Variants in POLN observed in about 807,000 individuals in gnomAD.
POLN encodes DNA polymerase N.
A neutral mutation model predicts 113.5 loss-of-function variants in POLN; 108 were observed. That is an observed-to-expected ratio of 0.95 (90% CI 0.81 to 1.12). POLN has a LOEUF of 1.12. Ranked by LOEUF, POLN falls within the 50% of genes most tolerant of loss-of-function variation. The pLI, the probability that POLN is intolerant of heterozygous loss-of-function variation, is 0.00. For missense variants in POLN, 1,097 were observed against 1,077.1 expected (o/e 1.02, Z -0.26); for synonymous variants, 386 against 391.5 (o/e 0.99, Z 0.17).
In POLN at chr4:2,080,843, G is replaced by C. The variant is rs371505867; in HGVS notation, c.2387+115C>G. On this transcript the variant is annotated intron_variant, in intron 23 of 25. Coordinates refer to ENST00000511885, the MANE Select transcript of POLN (RefSeq NM_181808.4). ...TCCATGGGCTGAGAGCCTCAGGAGG[G>C]GACGGGGGCCCGATAAGCAGAGATG... 1.0e-4 allele frequency: 158 copies of C among 1,581,144 alleles called. 1 individual carries two copies. The African/African-American group carries it at 1.9e-3, about 19-fold the overall frequency.
intron 8 of POLN, among the ~76,000 whole-genome samples, 166 bp from the exon 9 acceptor site, chr4:2,176,500 C>T (rs755873058): frequency 2.6e-5 from 4 of 152,200 alleles, no homozygotes; most frequent in Non-Finnish European, 4.4e-5. Context: ...CTCGACTAGA[C>T]AAGTTCGCAT....
intron 5 of POLN, among the ~76,000 whole-genome samples, chr4:2,201,290 A>AC (rs1733706180): frequency 6.7e-6 from 1 of 148,484 alleles, no homozygotes; most frequent in Non-Finnish European, 1.5e-5. Context: ...AAAAAAAAAA[A>AC]AAAAAAAAAA....
At chr4:2,110,997 T>C (rs1731179160) in intron 19 of POLN, among the ~76,000 whole-genome samples, 1 of 152,150 alleles carries the variant, frequency 6.6e-6, no homozygotes, top group South Asian at 2.1e-4. Flanking sequence ...CTCAATAAAA[T>C]ACTGGCAAAC....
chr4:2,156,466 T>A (rs536638298), intron 16 of POLN: 2 of 508,308 alleles, frequency 3.9e-6, no homozygotes, highest in South Asian at 1.5e-5. Flanking sequence ...TTCAACACAT[T>A]TCTGGAAATC....
intron 9 of POLN, 27 bp from the exon 10 acceptor site, chr4:2,174,778 A>T: frequency 1.3e-6 from 2 of 1,500,472 alleles, no homozygotes; most frequent in Admixed American, 3.6e-5. Flanking sequence ...AATAACATCA[A>T]CGTCAATTTA....
intron 19 of POLN, among the ~76,000 whole-genome samples, chr4:2,108,196 G>A (rs1428755255): frequency 1.3e-5 from 2 of 152,150 alleles, no homozygotes; most frequent in Non-Finnish European, 2.9e-5. Context: ...GAGAAGGTGC[G>A]AGGCATTGAC....
chr4:2,147,600 G>A (rs1344076608), intron 16 of POLN, among the ~76,000 whole-genome samples: 1 of 145,684 alleles, frequency 6.9e-6, no homozygotes, highest in African/African-American at 2.5e-5. Context: ...TTGAGACACT[G>A]AAAGACAATT....
intron 16 of POLN, among the ~76,000 whole-genome samples, chr4:2,145,613 C>CA (rs1416679512): frequency 4.6e-5 from 7 of 152,162 alleles, no homozygotes; most frequent in African/African-American, 1.7e-4. Context: ...AATCCACACT[C>CA]ATCAAATTGG....
chr4:2,160,816 A>AAGGCCT (rs1732562394), intron 13 of POLN, among the ~76,000 whole-genome samples: 1 of 152,150 alleles, frequency 6.6e-6, no homozygotes, highest in African/African-American at 2.4e-5. Context: ...TGTCCTACAT[A>AAGGCCT]TGAATGTTTA....
chr4:2,089,876 A>G, intron 20 of POLN: 1 of 977,202 alleles, frequency 1.0e-6, no homozygotes, highest in Non-Finnish European at 1.6e-6. Flanking sequence ...CTGTCTGTAG[A>G]TGACAATCTG....
At chr4:2,182,806 CAAAT>C (rs1257254586) in intron 7 of POLN, among the ~76,000 whole-genome samples, 1 of 143,598 alleles carries the variant, frequency 7.0e-6, no homozygotes. Flanking sequence ...AAAGAAAACA[CAAAT>C]AAATCGGATT....
chr4:2,171,057 T>A, intron 12 of POLN, 41 bp downstream of exon 12: 1 of 1,506,674 alleles, frequency 6.6e-7, no homozygotes, highest in African/African-American at 1.4e-5. Context: ...AACTCCTGAA[T>A]AAGAAATACA....
intron 16 of POLN, among the ~76,000 whole-genome samples, chr4:2,136,644 G>A (rs527591): frequency 0.87 from 132,468 of 152,270 alleles, 58,389 homozygotes; most frequent in Non-Finnish European, 0.95. Context: ...GCTGTTAGTG[G>A]AATGCTATGC....
chr4:2,241,130 T>C (rs1734971992), intron 2 of POLN: 2 of 520,344 alleles, frequency 3.8e-6, no homozygotes, highest in Admixed American at 3.9e-5. Flanking sequence ...ACCACAAATA[T>C]GACGACAGTG....
chr4:2,223,209 G>A (rs1219235218), intron 3 of POLN, among the ~76,000 whole-genome samples: 4 of 152,130 alleles, frequency 2.6e-5, no homozygotes, highest in African/African-American at 2.4e-5. Context: ...TGCATCATTA[G>A]GTGATTTCAT....
chr4:2,094,170 A>C (rs1416397982), intron 20 of POLN, among the ~76,000 whole-genome samples: 1 of 151,992 alleles, frequency 6.6e-6, no homozygotes, highest in Non-Finnish European at 1.5e-5. Flanking sequence ...AACATGGTGA[A>C]ACCCCATCTC....
chr4:2,125,318 AG>A (rs1731552383), intron 19 of POLN, among the ~76,000 whole-genome samples: 1 of 152,074 alleles, frequency 6.6e-6, no homozygotes, highest in Non-Finnish European at 1.5e-5. Context: ...GAGGGGGAGG[AG>A]GGTATACGGA....
intron 19 of POLN, among the ~76,000 whole-genome samples, chr4:2,124,813 C>G (rs1481962218): frequency 6.6e-6 from 1 of 152,052 alleles, no homozygotes; most frequent in Non-Finnish European, 1.5e-5. Context: ...CCCTGGACCT[C>G]GGAGCCAGGC....
At chr4:2,169,623 T>C (rs1732812069) in intron 13 of POLN, among the ~76,000 whole-genome samples, 1 of 151,878 alleles carries the variant, frequency 6.6e-6, no homozygotes, top group African/African-American at 2.4e-5. Flanking sequence ...GTAGGGAAAG[T>C]ACTATTATTA....
Sources: gnomAD v4.1 joint callset for allele counts (sites outside exome capture counted in the v4.1 genomes callset) on GRCh38, gnomAD v4.1.1 for gene constraint, MANE v1.5 for transcripts, NCBI Gene and HGNC (gene_info 2026-07-23, HGNC 2026-07-21) for gene names.